AKT3: variants seen among roughly 807,000 people sequenced by gnomAD.
The protein encoded by AKT3 is AKT serine/threonine kinase 3, also known as RAC-gamma serine/threonine-protein kinase.
In AKT3, 15 loss-of-function variants were observed where a neutral mutation model predicts 65.3. The observed-to-expected ratio is 0.23, with a 90% confidence interval of 0.15 to 0.35. The LOEUF is 0.35. Among genes scored for constraint, AKT3 ranks in the 10% least tolerant of loss-of-function variants. The pLI is 1.00. For missense variants in AKT3, 243 were observed against 576.5 expected, an observed-to-expected ratio of 0.42 and a Z score of 5.92; for synonymous variants, 206 against 183.8, an observed-to-expected ratio of 1.12 and a Z score of -0.98.
chr1:243,552,132 A>G (rs999503977), intron 11 of AKT3, among the ~76,000 whole-genome samples: 1 of 151,926 alleles, frequency 6.6e-6, no homozygotes, highest in African/African-American at 2.4e-5. Context: ...TCTACTAAAA[A>G]CACAAAAATT....
chr1:243,846,371 G>C (rs1558867807), intron 1 of AKT3, among the ~76,000 whole-genome samples: 1 of 151,918 alleles, frequency 6.6e-6, no homozygotes, highest in Non-Finnish European at 1.5e-5. Context: ...CTAATATAGG[G>C]AAGAAAAATT....
rs376868889 is a variant in AKT3, at chr1:243,744,648, A to G, written c.47-48932T>C. Among the ~76,000 whole-genome samples the G allele has an allele frequency of 3.0e-3, 444 of 150,050 alleles. 5 individuals are homozygous for G. The highest frequency in any genetic ancestry group is 0.01 in the African/African-American group (415 of 40,934). ...CAGCTACTTGGGAGGCTGAGGCAGG[A>G]GAATGGCGTGAACCCGGGAGGCGGA... On this transcript the variant is annotated intron_variant, in intron 2 of 13. Coordinates refer to ENST00000673466, the MANE Select transcript of AKT3 (RefSeq NM_005465.7).
chr1:243,786,800 C>T (rs1205864084), intron 2 of AKT3, among the ~76,000 whole-genome samples: 1 of 152,100 alleles, frequency 6.6e-6, no homozygotes, highest in African/African-American at 2.4e-5. Flanking sequence ...TCTTGTTCTG[C>T]CCTTCCATCC....
At chr1:243,566,001 A>G (rs1674130186) in intron 9 of AKT3, among the ~76,000 whole-genome samples, 1 of 152,194 alleles carries the variant, frequency 6.6e-6, no homozygotes, top group Admixed American at 6.5e-5. Flanking sequence ...TTTTTACACC[A>G]TTCCATTCCC....
chr1:243,749,463 G>A (rs1036619887), intron 2 of AKT3, among the ~76,000 whole-genome samples: 2 of 151,992 alleles, frequency 1.3e-5, no homozygotes, highest in Admixed American at 1.3e-4. Context: ...CATTAAACGT[G>A]AATAACTTCA....
chr1:243,649,386 A>G (rs2147859113), intron 4 of AKT3, among the ~76,000 whole-genome samples: 1 of 151,034 alleles, frequency 6.6e-6, no homozygotes, highest in East Asian at 1.9e-4. Context: ...GTGTATATAT[A>G]TATGTTATGT....
intron 3 of AKT3, among the ~76,000 whole-genome samples, chr1:243,681,924 T>C (rs1572161787): frequency 6.6e-6 from 1 of 152,124 alleles, no homozygotes; most frequent in Non-Finnish European, 1.5e-5. Flanking sequence ...TTTAAAAATG[T>C]TAATTTTCTT....
chr1:243,528,874 G>A (rs940061719), intron 12 of AKT3, among the ~76,000 whole-genome samples: 2 of 152,142 alleles, frequency 1.3e-5, no homozygotes, highest in African/African-American at 4.8e-5. Context: ...TTGAGATATT[G>A]CCAAACTGCT....
chr1:243,540,423 G>C lies in AKT3; in HGVS notation c.1251+5087C>G, dbSNP rs957756916. 4.6e-5 allele frequency among the ~76,000 whole-genome samples: 7 copies of C among 152,024 alleles called. No individual in the cohort carries two copies. In the East Asian group the frequency reaches 1.4e-3, roughly 29 times the overall value. ...GATTTTAAAAACTCTCAGTAACCTAGGACTAGAACTTCCTCAATCTGATAA... is the reference window on the plus strand; with the variant it reads ...GATTTTAAAAACTCTCAGTAACCTACGACTAGAACTTCCTCAATCTGATAA... On this transcript the variant is annotated intron_variant, in intron 12 of 13. Coordinates refer to ENST00000673466, the MANE Select transcript of AKT3 (RefSeq NM_005465.7).
intron 2 of AKT3, chr1:243,702,783 T>C (rs975082830): frequency 6.6e-6 from 1 of 152,200 alleles, no homozygotes; most frequent in African/African-American, 2.4e-5. Flanking sequence ...ATTTGACTAA[T>C]ACTTTTAGTT....
chr1:243,607,825 T>C (rs1278486588), intron 8 of AKT3, among the ~76,000 whole-genome samples: 2 of 152,142 alleles, frequency 1.3e-5, no homozygotes, highest in African/African-American at 2.4e-5. Context: ...AATTTAATTA[T>C]GGGGGTGGTT....
intron 4 of AKT3, among the ~76,000 whole-genome samples, chr1:243,658,974 A>G (rs1682046897): frequency 1.3e-5 from 2 of 152,014 alleles, no homozygotes; most frequent in Non-Finnish European, 2.9e-5. Context: ...AGGCTGCAGT[A>G]AGCCATGATC....
chr1:243,499,537 T>G (rs1229032813), downstream of AKT3, among the ~76,000 whole-genome samples: 1 of 152,220 alleles, frequency 6.6e-6, no homozygotes, highest in Non-Finnish European at 1.5e-5. Context: ...GTCTTCAAAT[T>G]TAACCCATTA....
At chr1:243,515,332 G>A (rs894150251) in intron 12 of AKT3, among the ~76,000 whole-genome samples, 4 of 151,424 alleles carry the variant, frequency 2.6e-5, no homozygotes, top group African/African-American at 9.7e-5. Flanking sequence ...TGGGCCGTAT[G>A]GTAGGTATAC....
chr1:243,584,311 TC>T (rs760476291), intron 8 of AKT3, among the ~76,000 whole-genome samples: 20 of 151,392 alleles, frequency 1.3e-4, no homozygotes, highest in Non-Finnish European at 2.2e-4. Flanking sequence ...CAAAACTGAG[TC>T]AGTAATAAAA....
intron 2 of AKT3, among the ~76,000 whole-genome samples, chr1:243,811,797 C>T (rs371590976): frequency 2.0e-5 from 3 of 152,328 alleles, no homozygotes; most frequent in Non-Finnish European, 4.4e-5. Context: ...GTAACCAAAA[C>T]AGCATGGTAC....
intron 2 of AKT3, among the ~76,000 whole-genome samples, chr1:243,783,716 A>G (rs1429265805): frequency 2.0e-5 from 3 of 152,202 alleles, no homozygotes; most frequent in Admixed American, 6.5e-5. Context: ...CTGCTTGAAT[A>G]GTCTATAACA....
intron 2 of AKT3, among the ~76,000 whole-genome samples, chr1:243,800,467 G>C (rs1692311731): frequency 6.6e-6 from 1 of 152,166 alleles, no homozygotes; most frequent in Non-Finnish European, 1.5e-5. Flanking sequence ...CGCCTGTAAT[G>C]CCAGCACTTT....
chr1:243,754,624 C>A (rs1689010285), intron 2 of AKT3, among the ~76,000 whole-genome samples: 1 of 152,192 alleles, frequency 6.6e-6, no homozygotes, highest in African/African-American at 2.4e-5. Flanking sequence ...TCAGCTGTGG[C>A]AACAGATTCT....
Sources: gnomAD v4.1 joint callset for allele counts (sites outside exome capture counted in the v4.1 genomes callset) on GRCh38, gnomAD v4.1.1 for gene constraint, MANE v1.5 for transcripts, NCBI Gene and HGNC (gene_info 2026-07-23, HGNC 2026-07-21) for gene names.